HACD3: variants seen among roughly 807,000 people sequenced by gnomAD.
HACD3 encodes very-long-chain (3R)-3-hydroxyacyl-CoA dehydratase 3.
A neutral mutation model predicts 55.2 loss-of-function variants in HACD3; 30 were observed. The ratio of observed to expected loss-of-function variants is 0.54; its 90% confidence interval spans 0.41 to 0.74. The LOEUF is 0.74. Ranked by LOEUF, HACD3 falls within the 30% of genes least tolerant of loss-of-function variation. The pLI is 0.00. For synonymous variants in HACD3, 141 were observed against 151.7 expected (o/e 0.93, Z 0.52); for missense variants, 363 against 440.1 (o/e 0.82, Z 1.57).
intron 1 of HACD3, among the ~76,000 whole-genome samples, chr15:65,537,580 C>G (rs1346139425): frequency 6.6e-6 from 1 of 151,304 alleles, no homozygotes; most frequent in Non-Finnish European, 1.5e-5. Context: ...CACCTGAGGT[C>G]AGGAGTTCAA....
intron 1 of HACD3, among the ~76,000 whole-genome samples, chr15:65,546,240 T>A (rs1186354386): frequency 6.6e-6 from 1 of 152,120 alleles, no homozygotes; most frequent in Non-Finnish European, 1.5e-5. Context: ...AGTTAAGTTT[T>A]AGAGTGGTTG....
At chr15:65,572,786 G>T (rs755931474) in intron 10 of HACD3, among the ~76,000 whole-genome samples, 1 of 151,534 alleles carries the variant, frequency 6.6e-6, no homozygotes, top group African/African-American at 2.4e-5. Context: ...GTGGTGGCGG[G>T]TGCCTGTAAT....
At chr15:65,573,056 AC>A (rs1429204823) in intron 10 of HACD3, among the ~76,000 whole-genome samples, 2 of 152,014 alleles carry the variant, frequency 1.3e-5, no homozygotes, top group Non-Finnish European at 2.9e-5. Flanking sequence ...TGATAAGACA[AC>A]CAGCAGCAAG....
At chr15:65,550,161 G>A (rs1162290757) in intron 1 of HACD3, among the ~76,000 whole-genome samples, 6 of 152,188 alleles carry the variant, frequency 3.9e-5, no homozygotes, top group Non-Finnish European at 7.3e-5. Context: ...GCCGAGGCAG[G>A]CAGATCACCT....
rs2072272688 is a variant in HACD3 at position 65,564,437 on chromosome 15, G to C, written c.660+95G>C. ...AGTCCATTTTCATGCTGCTCATAAA[G>C]ACATACCTGAGACTGGGCAGTTTAC... On this transcript the variant is annotated intron_variant, in intron 7 of 10. Transcript: ENST00000261875. 4 of 1,435,062 alleles carry C rather than the reference G, an allele frequency of 2.8e-6. No homozygotes were observed. The Admixed American group carries it at 6.6e-5, about 24-fold the overall frequency. 88.9% of individuals were successfully genotyped at this position (1,435,062 alleles called of 1,614,324 possible). A position where few individuals can be genotyped will look rare whatever the true frequency, so the allele number is the denominator to read the frequency against.
rs115615344 is a variant in HACD3, at chr15:65,562,983, C to T, written c.532+99C>T. 1.4e-3 allele frequency: 2,082 copies of T among 1,518,180 alleles called. 26 individuals carry two copies. The African/African-American group carries it at 0.025, about 18-fold the overall frequency. The allele number at this position is 1,518,180 out of a possible 1,614,324, so 94.0% of individuals were successfully genotyped here. ...TCTGCCTTTGATGTTAATAATAACC[C>T]CTGCATTTGTGCAGCACCCTCTACT... On this transcript the variant is annotated intron_variant, in intron 6 of 10. Coordinates refer to ENST00000261875, the MANE Select transcript of HACD3 (RefSeq NM_016395.4).
At chr15:65,561,345 A>C (rs2072242436) in intron 5 of HACD3, among the ~76,000 whole-genome samples, 2 of 152,082 alleles carry the variant, frequency 1.3e-5, no homozygotes, top group Non-Finnish European at 2.9e-5. Flanking sequence ...GGAAGCCTGT[A>C]ATCTCAGCTA....
chr15:65,563,794 C>T (rs766999406), intron 6 of HACD3, among the ~76,000 whole-genome samples: 3 of 152,042 alleles, frequency 2.0e-5, no homozygotes, highest in Non-Finnish European at 4.4e-5. Flanking sequence ...CATGGTGAAA[C>T]CCCCATCTCT....
At chr15:65,542,016 G>A (rs1471426715) in intron 1 of HACD3, among the ~76,000 whole-genome samples, 1 of 152,014 alleles carries the variant, frequency 6.6e-6, no homozygotes, top group African/African-American at 2.4e-5. Flanking sequence ...AGACCACGAG[G>A]TCAATAGATC....
Position 65,554,937 on chromosome 15 carries a change from TTC to T in HACD3, c.183_184del (p.Leu62ArgfsTer44). On this transcript the variant is annotated frameshift_variant, in exon 3 of 11. Coordinates refer to ENST00000261875, the MANE Select transcript of HACD3 (RefSeq NM_016395.4). LOFTEE classifies it high-confidence loss of function. ...CAATGTCTATGAATTTCACCTGGAG[TTC>T]TTAGACCTTGTGAAACCAGAGGTAT... is the stretch of plus-strand genomic sequence containing the variant. ...GDNVYEFHLE[F>X]LDLVKPEPVY... The T allele has an allele frequency of 6.2e-7, 1 of 1,610,832 alleles. No individual in the cohort carries two copies. The highest frequency in any genetic ancestry group is 8.5e-7 in the Non-Finnish European group (1 of 1,177,078).
At chr15:65,533,292 G>A (rs2071920539) in intron 1 of HACD3, among the ~76,000 whole-genome samples, 1 of 152,194 alleles carries the variant, frequency 6.6e-6, no homozygotes, top group African/African-American at 2.4e-5. Context: ...TTAGGGGAGG[G>A]GAGGGTTAAG....
At chr15:65,537,835 A>G (rs553682532) in intron 1 of HACD3, among the ~76,000 whole-genome samples, 12 of 141,932 alleles carry the variant, frequency 8.5e-5, no homozygotes, top group Non-Finnish European at 1.7e-4. Flanking sequence ...TACTCTGCCT[A>G]TGCTCTGTAA....
At chr15:65,573,497 A>G (rs1231069652) in intron 10 of HACD3, among the ~76,000 whole-genome samples, 1 of 152,002 alleles carries the variant, frequency 6.6e-6, no homozygotes, top group Non-Finnish European at 1.5e-5. Flanking sequence ...AATTCCAGCT[A>G]CTTGGGAGGC....
Position 65,570,110 on chromosome 15 carries a change from T to G in HACD3, c.680T>G (p.Ile227Ser). ...TAATAGCTTCTTGGAAGAAATTTTA[T>G]TTTGTTTATCATCTTTGGCACCATG... is the stretch of plus-strand genomic sequence containing the variant. ...SLIQLLGRNF[I>S]LFIIFGTMEE... The change falls in exon 8 of 11, where the codon ATT becomes AGT. Residue 227 changes from isoleucine to serine, a missense_variant. Coordinates refer to ENST00000261875, the MANE Select transcript of HACD3 (RefSeq NM_016395.4). 1 of 1,608,180 alleles carries G rather than the reference T, an allele frequency of 6.2e-7. No homozygotes were observed. Among genetic ancestry groups the G allele is most frequent in the Non-Finnish European group, 8.5e-7 (1 of 1,176,978 alleles).
At chr15:65,535,315 C>T (rs954734125) in intron 1 of HACD3, among the ~76,000 whole-genome samples, 6 of 152,102 alleles carry the variant, frequency 3.9e-5, no homozygotes, top group Non-Finnish European at 7.4e-5. Flanking sequence ...ACTAATATCA[C>T]GACTATTTAA....
chr15:65,551,962 C>A, intron 2 of HACD3: 5 of 416,850 alleles, frequency 1.2e-5, no homozygotes, highest in South Asian at 7.1e-5. Context: ...AAAAAAGAAT[C>A]CTGGGTTAGA....
At chr15:65,560,481 G>A (rs2072233549) in intron 5 of HACD3, among the ~76,000 whole-genome samples, 1 of 152,080 alleles carries the variant, frequency 6.6e-6, no homozygotes, top group Non-Finnish European at 1.5e-5. Flanking sequence ...CTTTGGTTAT[G>A]TCCTCAGTCT....
At chr15:65,531,381 C>T (rs1360009806) in intron 1 of HACD3, 1 of 152,166 alleles carries the variant, frequency 6.6e-6, no homozygotes. Flanking sequence ...TTAAAAAGTT[C>T]TTAAGTTACA....
At chr15:65,556,469 G>A (rs2072190898) in intron 3 of HACD3, among the ~76,000 whole-genome samples, 1 of 152,082 alleles carries the variant, frequency 6.6e-6, no homozygotes, top group Non-Finnish European at 1.5e-5. Context: ...GATGGAGAGC[G>A]AGTCTAAATA....
Sources: allele counts gnomAD v4.1 joint callset (sites outside exome capture counted in the v4.1 genomes callset), GRCh38; gene constraint gnomAD v4.1.1; transcripts MANE v1.5; gene names NCBI Gene and HGNC (gene_info 2026-07-23, HGNC 2026-07-21).